The following CACNA2D1 variants were observed in gnomAD, a reference collection of about 807,000 sequenced individuals.
CACNA2D1 encodes the protein calcium voltage-gated channel auxiliary subunit alpha2delta 1.
In CACNA2D1, 53 loss-of-function variants were observed where a neutral mutation model predicts 171.5. The ratio of observed to expected loss-of-function variants is 0.31; its 90% confidence interval spans 0.25 to 0.39. CACNA2D1 has a LOEUF of 0.39. Ranked by LOEUF, CACNA2D1 falls within the 10% of genes least tolerant of loss-of-function variation. CACNA2D1 has a pLI of 1.00. For synonymous variants in CACNA2D1, 442 were observed against 443.1 expected (o/e 1.00, Z 0.03); for missense variants, 903 against 1,299.8 (o/e 0.69, Z 4.69).
chr7:81,991,467 A>C (rs1211336706), intron 20 of CACNA2D1, among the ~76,000 whole-genome samples: 1 of 152,178 alleles, frequency 6.6e-6, no homozygotes, highest in African/African-American at 2.4e-5. Context: ...GTTTATGCCA[A>C]ATTATTATCT....
chr7:82,041,247 A>T (rs1303102603), intron 10 of CACNA2D1, among the ~76,000 whole-genome samples: 1 of 152,128 alleles, frequency 6.6e-6, no homozygotes, highest in Non-Finnish European at 1.5e-5. Flanking sequence ...AGAAGGAAGA[A>T]AAAGATGCAG....
intron 1 of CACNA2D1, among the ~76,000 whole-genome samples, chr7:82,376,429 G>A (rs1225258251): frequency 2.0e-5 from 3 of 152,160 alleles, no homozygotes; most frequent in South Asian, 4.1e-4. Flanking sequence ...TCTCTTTAAA[G>A]GGAAACAACC....
intron 4 of CACNA2D1, among the ~76,000 whole-genome samples, chr7:82,168,666 T>C (rs1261396284): frequency 6.6e-6 from 1 of 151,906 alleles, no homozygotes; most frequent in Non-Finnish European, 1.5e-5. Flanking sequence ...GTCTAGGAAA[T>C]GAAACCTTAT....
chr7:82,274,780 T>C (rs79556311), intron 3 of CACNA2D1, among the ~76,000 whole-genome samples: 2,649 of 152,270 alleles, frequency 0.017, 79 homozygotes, highest in African/African-American at 0.061. Context: ...TCTTTTTTGT[T>C]GGTTCTAGCT....
intron 3 of CACNA2D1, among the ~76,000 whole-genome samples, chr7:82,300,280 TGTAATGGG>T (rs1812837882): frequency 6.6e-6 from 1 of 151,926 alleles, no homozygotes; most frequent in African/African-American, 2.4e-5. Context: ...ACTGAAGCAT[TGTAATGGG>T]TAAAGAGGAA....
At chr7:82,415,011 T>G (rs966607175) in intron 1 of CACNA2D1, among the ~76,000 whole-genome samples, 12 of 152,320 alleles carry the variant, frequency 7.9e-5, no homozygotes, top group Admixed American at 5.2e-4. Context: ...CTAAATTAGC[T>G]CCCTTTTTTA....
chr7:82,285,133 G>C (rs1810596442), intron 3 of CACNA2D1, among the ~76,000 whole-genome samples: 1 of 151,868 alleles, frequency 6.6e-6, no homozygotes, highest in Non-Finnish European at 1.5e-5. Context: ...CCTCCTCTCT[G>C]ATTCCCCTCT....
chr7:82,041,041 A>C lies in CACNA2D1; in HGVS notation c.880-2806T>G, dbSNP rs936505231. On this transcript the variant is annotated intron_variant, in intron 10 of 38. Coordinates refer to ENST00000356860, the MANE Select transcript of CACNA2D1 (RefSeq NM_000722.4). The stretch of plus-strand genomic sequence containing the variant: ...GTGAACTCATCCACATTATGTAGGC[A>C]GCCTTGGGTTGGGGGGGTGGGGAGG... Among the ~76,000 whole-genome samples the C allele has an allele frequency of 8.1e-4, 41 of 50,390 alleles. 1 individual carries two copies. The highest frequency in any genetic ancestry group is 3.4e-3 in the African/African-American group (41 of 11,906). The allele number at this position is 50,390 out of a possible 152,430, so 33.1% of individuals were successfully genotyped here.
chr7:81,992,652 A>G (rs1363301044), intron 20 of CACNA2D1, among the ~76,000 whole-genome samples: 2 of 152,210 alleles, frequency 1.3e-5, no homozygotes, highest in Non-Finnish European at 2.9e-5. Context: ...AGTTTTTTCA[A>G]TATCAGTAGC....
chr7:82,388,648 A>G (rs1396296901), intron 1 of CACNA2D1, among the ~76,000 whole-genome samples: 1 of 152,258 alleles, frequency 6.6e-6, no homozygotes, highest in African/African-American at 2.4e-5. Flanking sequence ...GAGGGGAAAA[A>G]AAGTTTGCTT....
rs1268564706 is a variant in CACNA2D1 at position 82,099,432 on chromosome 7, T to G, written c.527-14532A>C. 7.8e-3 allele frequency among the ~76,000 whole-genome samples: 71 copies of G among 9,112 alleles called. 4 individuals carry two copies. The highest frequency in any genetic ancestry group is 0.015 in the East Asian group (6 of 410). The allele number at this position is 9,112 out of a possible 152,430, so 6.0% of individuals were successfully genotyped here. A position where few individuals can be genotyped will look rare whatever the true frequency, so the allele number is the denominator to read the frequency against. ...AGGTAGCAATACCTTCTTTTTTTTT[T>G]TTTTTTTTTTTTTTTTTTTTTTTTT... On this transcript the variant is annotated intron_variant, in intron 6 of 38. Transcript: ENST00000356860.
At chr7:82,261,919 G>A (rs1807156452) in intron 3 of CACNA2D1, among the ~76,000 whole-genome samples, 1 of 152,146 alleles carries the variant, frequency 6.6e-6, no homozygotes, top group African/African-American at 2.4e-5. Context: ...TTTCCATACT[G>A]ACAAATACCA....
intron 3 of CACNA2D1, among the ~76,000 whole-genome samples, chr7:82,269,147 G>A (rs1035161979): frequency 6.6e-6 from 1 of 152,036 alleles, no homozygotes; most frequent in Non-Finnish European, 1.5e-5. Context: ...TCTATTTGCA[G>A]AACTGTTTCC....
chr7:82,321,968 T>C (rs538014104), intron 3 of CACNA2D1, among the ~76,000 whole-genome samples: 1 of 149,130 alleles, frequency 6.7e-6, no homozygotes, highest in Non-Finnish European at 1.5e-5. Flanking sequence ...CTACTAAAAA[T>C]ACAAAAAATT....
At chr7:82,333,238 A>ATT (rs1174240566) in intron 3 of CACNA2D1, among the ~76,000 whole-genome samples, 1 of 152,216 alleles carries the variant, frequency 6.6e-6, no homozygotes, top group African/African-American at 2.4e-5. Context: ...TTCCTGGATA[A>ATT]TTATATGCCA....
chr7:82,130,070 T>C (rs1324507246), intron 5 of CACNA2D1, among the ~76,000 whole-genome samples: 1 of 152,232 alleles, frequency 6.6e-6, no homozygotes, highest in East Asian at 1.9e-4. Context: ...GACGTGTTCT[T>C]AAACTATACT....
At chr7:82,433,257 G>C (rs905824764) in intron 1 of CACNA2D1, among the ~76,000 whole-genome samples, 2 of 151,952 alleles carry the variant, frequency 1.3e-5, no homozygotes, top group African/African-American at 2.4e-5. Flanking sequence ...ATCTCTCCTA[G>C]GAAAGAAGTA....
intron 1 of CACNA2D1, among the ~76,000 whole-genome samples, chr7:82,407,935 T>C (rs1290464883): frequency 2.0e-5 from 3 of 152,118 alleles, no homozygotes; most frequent in Admixed American, 2.0e-4. Context: ...ATATTCCTCC[T>C]TCAATAATCT....
chr7:82,428,951 T>G (rs1342909018), intron 1 of CACNA2D1, among the ~76,000 whole-genome samples: 1 of 152,142 alleles, frequency 6.6e-6, no homozygotes, highest in Non-Finnish European at 1.5e-5. Flanking sequence ...TAGCAATTTT[T>G]GGGAGTTAGT....
Sources: allele counts gnomAD v4.1 joint callset (sites outside exome capture counted in the v4.1 genomes callset), GRCh38; gene constraint gnomAD v4.1.1; transcripts MANE v1.5; gene names NCBI Gene and HGNC (gene_info 2026-07-23, HGNC 2026-07-21).